SLCO2B1: variants seen among roughly 807,000 people sequenced by gnomAD.
SLCO2B1 encodes the protein solute carrier organic anion transporter family member 2B1.
SLCO2B1 carries 41 observed loss-of-function variants against 67.3 expected under a neutral mutation model. The observed-to-expected ratio is 0.61, with a 90% confidence interval of 0.47 to 0.79. The LOEUF is 0.79. SLCO2B1 is among the 30% of genes least tolerant of loss of function. The pLI, the probability that SLCO2B1 is intolerant of heterozygous loss-of-function variation, is 0.00. For synonymous variants in SLCO2B1, 379 were observed against 381.4 expected, an observed-to-expected ratio of 0.99 and a Z score of 0.07; for missense variants, 837 against 920.1, an observed-to-expected ratio of 0.91 and a Z score of 1.17.
chr11:75,162,848 T>C (rs1949839133), intron 2 of SLCO2B1, 63 bp downstream of exon 2: 4 of 1,558,474 alleles, frequency 2.6e-6, no homozygotes, highest in South Asian at 1.2e-5. Context: ...CACGTGCTGG[T>C]GGTGTAATGC....
chr11:75,172,014 C>T (rs572552663), intron 6 of SLCO2B1, among the ~76,000 whole-genome samples: 19 of 152,294 alleles, frequency 1.2e-4, no homozygotes, highest in South Asian at 1.0e-3. Flanking sequence ...CACAACAGTC[C>T]TATGATTTGG....
chr11:75,152,110 C>T (rs1476699749), intron 1 of SLCO2B1, among the ~76,000 whole-genome samples: 1 of 152,254 alleles, frequency 6.6e-6, no homozygotes, highest in Non-Finnish European at 1.5e-5. Context: ...GGTCTTGAAG[C>T]TCTGCCTGCA....
Position 75,162,726 on chromosome 11 carries a change from G to A in SLCO2B1, c.88G>A (p.Gly30Arg). The A allele has an allele frequency of 6.2e-7, 1 of 1,614,076 alleles. No individual in the cohort carries two copies. The highest frequency in any genetic ancestry group is 8.5e-7 in the Non-Finnish European group (1 of 1,179,986). ...KATMGTENTPGGKASPDPQDV... is the reference protein window; with the variant it reads ...KATMGTENTPRGKASPDPQDV... ...CACAATGGGCACAGAAAACACACCT[G>A]GAGGCAAAGCCAGCCCAGACCCTCA... Residue 30 changes from glycine to arginine, a missense_variant, in exon 2 of 14, where the codon GGA becomes AGA. Transcript: ENST00000289575.
chr11:75,154,503 A>AAAC (rs888154598), intron 1 of SLCO2B1, among the ~76,000 whole-genome samples: 8 of 152,034 alleles, frequency 5.3e-5, no homozygotes, highest in South Asian at 2.1e-4. Context: ...TCCATCTCAA[A>AAAC]AACAACAACA....
At chr11:75,183,412 A>C (rs1057143727) in intron 7 of SLCO2B1, among the ~76,000 whole-genome samples, 1 of 152,120 alleles carries the variant, frequency 6.6e-6, no homozygotes, top group Non-Finnish European at 1.5e-5. Flanking sequence ...TGCCTTACCC[A>C]AAAAAATAAG....
At chr11:75,192,631 A>G (rs17133809) in intron 8 of SLCO2B1, among the ~76,000 whole-genome samples, 12,485 of 152,224 alleles carry the variant, frequency 0.082, 1,269 homozygotes, top group African/African-American at 0.24. Context: ...AAATTGAATC[A>G]AATAGGATGG....
chr11:75,198,331 A>G (rs1240939531), intron 10 of SLCO2B1, among the ~76,000 whole-genome samples: 1 of 152,248 alleles, frequency 6.6e-6, no homozygotes, highest in Non-Finnish European at 1.5e-5. Flanking sequence ...TAGGGGAGAT[A>G]TTATTAAGTG....
chr11:75,192,215 T>C (rs190868402), intron 8 of SLCO2B1, among the ~76,000 whole-genome samples: 146 of 152,320 alleles, frequency 9.6e-4, no homozygotes, highest in African/African-American at 3.3e-3. Flanking sequence ...CCCAGACATA[T>C]TGACATTTGA....
chr11:75,153,393 C>T (rs1385829413), intron 1 of SLCO2B1, among the ~76,000 whole-genome samples: 1 of 152,200 alleles, frequency 6.6e-6, no homozygotes, highest in African/African-American at 2.4e-5. Context: ...AATTCCAGCA[C>T]TGCATCACTG....
chr11:75,204,445 C>T lies in SLCO2B1; in HGVS notation c.1995C>T (p.Cys665=). The T allele has an allele frequency of 6.2e-7, 1 of 1,612,812 alleles. No individual in the cohort carries two copies. The highest frequency in any genetic ancestry group is 8.5e-7 in the Non-Finnish European group (1 of 1,179,334). The change falls in exon 14 of 14, where the codon TGC becomes TGT. Residue 665 remains cysteine, a synonymous_variant. Transcript: ENST00000289575. ...QFFFKTGSVI[C]FALVLAVLRQ... is the part of the protein sequence containing the mutation. ...TCTTCAAAACAGGTTCTGTGATCTG[C>T]TTCGCCTTAGTTTTGGCTGTCCTGA...
chr11:75,160,980 A>G (rs1224417387), intron 1 of SLCO2B1, among the ~76,000 whole-genome samples: 2 of 152,228 alleles, frequency 1.3e-5, no homozygotes, highest in African/African-American at 4.8e-5. Flanking sequence ...GAGGGAGTGT[A>G]AAATGGTGTT....
chr11:75,187,810 G>A lies in SLCO2B1; in HGVS notation c.973-326G>A, dbSNP rs1944958736. 2.6e-5 allele frequency among the ~76,000 whole-genome samples: 4 copies of A among 152,300 alleles called. No individual in the cohort carries two copies. The South Asian group carries it at 8.3e-4, about 32-fold the overall frequency. ...GGTGATATTTAAGCTGAAAGGAATA[G>A]AAATGATGATGATGATTATGGTGGT... On this transcript the variant is annotated intron_variant, in intron 7 of 13. Coordinates refer to ENST00000289575, the MANE Select transcript of SLCO2B1 (RefSeq NM_007256.5).
At chr11:75,185,297 C>A (rs1950135677) in intron 7 of SLCO2B1, among the ~76,000 whole-genome samples, 2 of 152,094 alleles carry the variant, frequency 1.3e-5, no homozygotes, top group African/African-American at 4.8e-5. Flanking sequence ...CCTGTAGGAA[C>A]CTCACAGGCA....
chr11:75,153,961 C>T (rs562916871), intron 1 of SLCO2B1, among the ~76,000 whole-genome samples: 270 of 150,070 alleles, frequency 1.8e-3, no homozygotes, highest in Non-Finnish European at 3.3e-3. Context: ...AGTCTTACCC[C>T]GTCACCCAGG....
chr11:75,175,189 A>G (rs1950008926), intron 7 of SLCO2B1, among the ~76,000 whole-genome samples: 2 of 152,148 alleles, frequency 1.3e-5, no homozygotes, highest in Admixed American at 1.3e-4. Flanking sequence ...TGAGAACATG[A>G]TGATCTGCTT....
intron 3 of SLCO2B1, among the ~76,000 whole-genome samples, 183 bp from the exon 4 acceptor site, chr11:75,165,603 AT>A: frequency 6.6e-6 from 1 of 152,238 alleles, no homozygotes; most frequent in African/African-American, 2.4e-5. Flanking sequence ...CTCTGCCCTC[AT>A]TTCTCTCCCC....
At chr11:75,179,725 T>G (rs1216039182) in intron 7 of SLCO2B1, among the ~76,000 whole-genome samples, 2 of 152,176 alleles carry the variant, frequency 1.3e-5, no homozygotes, top group African/African-American at 4.8e-5. Flanking sequence ...TCTTAGTTGT[T>G]GGTTTTGTTT....
intron 10 of SLCO2B1, among the ~76,000 whole-genome samples, chr11:75,198,668 G>A (rs550089238): frequency 1.3e-5 from 2 of 152,308 alleles, no homozygotes; most frequent in Middle Eastern, 3.4e-3. Context: ...AGCTGAGACC[G>A]GGCCAGCACT....
In SLCO2B1 at chr11:75,200,364, A is replaced by C; in HGVS notation, c.1740A>C (p.Thr580=). The stretch of plus-strand genomic sequence containing the variant: ...CGGCCCTGGCCTGTCTCACCCACAC[A>C]CCCTCCTTCATGCTCATCCTAAGGT... ...LGSALACLTH[T]PSFMLILRGV... The change falls in exon 11 of 14, where the codon ACA becomes ACC. Residue 580 remains threonine (T), a synonymous_variant. Transcript: ENST00000289575. 9 of 1,606,646 alleles carry C rather than the reference A, an allele frequency of 5.6e-6. No homozygotes were observed. The highest frequency in any genetic ancestry group is 7.7e-6 in the Non-Finnish European group (9 of 1,176,322).
Sources: gnomAD v4.1 joint callset for allele counts (sites outside exome capture counted in the v4.1 genomes callset) on GRCh38, gnomAD v4.1.1 for gene constraint, MANE v1.5 for transcripts, NCBI Gene and HGNC (gene_info 2026-07-23, HGNC 2026-07-21) for gene names.